ATOH8: variants seen among roughly 807,000 people sequenced by gnomAD.
The protein encoded by ATOH8 is transcription factor ATOH8.
Under a neutral mutation model 21.2 loss-of-function variants are expected in ATOH8, and 9 were observed. The ratio of observed to expected loss-of-function variants is 0.42; its 90% CI spans 0.26 to 0.74. ATOH8 has a LOEUF of 0.74. Ranked by LOEUF, ATOH8 falls within the 30% of genes least tolerant of loss-of-function variation. ATOH8 has a pLI of 0.24. For missense variants in ATOH8, 524 were observed against 470.9 expected (o/e 1.11, Z -1.04); for synonymous variants, 253 against 224.0 (o/e 1.13, Z -1.16).
chr2:85,768,586 G>C (rs1248348634), intron 2 of ATOH8, among the ~76,000 whole-genome samples: 1 of 152,186 alleles, frequency 6.6e-6, no homozygotes, highest in Non-Finnish European at 1.5e-5. Context: ...TCCAAAAGAG[G>C]CTGGGCGACC....
At chr2:85,764,543 T>G (rs1359205822) in intron 2 of ATOH8, among the ~76,000 whole-genome samples, 1 of 152,172 alleles carries the variant, frequency 6.6e-6, no homozygotes, top group Non-Finnish European at 1.5e-5. Flanking sequence ...CAGGACAAGA[T>G]TCCCCTGAGC....
chr2:85,767,286 T>C (rs1680041677), intron 2 of ATOH8, among the ~76,000 whole-genome samples: 1 of 152,132 alleles, frequency 6.6e-6, no homozygotes, highest in Non-Finnish European at 1.5e-5. Context: ...TGCAAAGGTC[T>C]ACCAGTAGAT....
intron 1 of ATOH8, among the ~76,000 whole-genome samples, chr2:85,757,516 T>C (rs1679743304): frequency 6.6e-6 from 1 of 152,252 alleles, no homozygotes; most frequent in Non-Finnish European, 1.5e-5. Context: ...AGATGGGTTC[T>C]GGGATTGTGG....
intron 1 of ATOH8, among the ~76,000 whole-genome samples, chr2:85,757,606 G>A (rs1679746857): frequency 6.6e-6 from 1 of 152,142 alleles, no homozygotes; most frequent in Admixed American, 6.5e-5. Flanking sequence ...TGGAGGCCAG[G>A]CATTGAGTTG....
At chr2:85,762,771 G>A (rs991159347) in intron 1 of ATOH8, among the ~76,000 whole-genome samples, 1 of 152,122 alleles carries the variant, frequency 6.6e-6, no homozygotes, top group Non-Finnish European at 1.5e-5. Flanking sequence ...ATCGACATTT[G>A]GGGGCAGGTA....
chr2:85,775,132 T>C, intron 2 of ATOH8: 1 of 927,672 alleles, frequency 1.1e-6, no homozygotes, highest in Non-Finnish European at 1.3e-6. Flanking sequence ...GTATGCTATG[T>C]GACATAGGAT....
rs1203593314 is a variant in ATOH8 at position 85,785,752 on chromosome 2, G to C, written c.961-1133G>C. 6.6e-6 allele frequency among the ~76,000 whole-genome samples: 1 copy of C among 152,270 alleles called. No homozygotes were observed. Among genetic ancestry groups the C allele is most frequent in the Non-Finnish European group, 1.5e-5 (1 of 68,052 alleles). On this transcript the variant is annotated intron_variant, in intron 2 of 2. Coordinates refer to ENST00000306279, the MANE Select transcript of ATOH8 (RefSeq NM_032827.7). The surrounding 1 kb of genome is among the most constrained non-coding windows in gnomAD (Gnocchi z 4.1). Reference sequence around the variant, plus strand: ...AGCCTGGGATTGCTCACTCATGAGAGGGGGGAATGGGAATGCTCCCTGGCA... The same window carrying C: ...AGCCTGGGATTGCTCACTCATGAGACGGGGGAATGGGAATGCTCCCTGGCA...
rs780992583 is a variant in ATOH8, at chr2:85,791,305, G to A, written c.*4415G>A. 2.0e-5 allele frequency among the ~76,000 whole-genome samples: 3 copies of A among 152,184 alleles called. No homozygotes were observed. Among genetic ancestry groups the A allele is most frequent in the Non-Finnish European group, 4.4e-5 (3 of 68,030 alleles). On this transcript the variant is annotated 3_prime_UTR_variant, in exon 3 of 3. Coordinates refer to ENST00000306279, the MANE Select transcript of ATOH8 (RefSeq NM_032827.7). ...GGATCTAATTCAACCCCTGATCCTC[G>A]AAACGGCTTTCTTGCAAAGTGTATA... is the stretch of plus-strand genomic sequence containing the variant.
chr2:85,776,481 T>G (rs1431371968), intron 2 of ATOH8, among the ~76,000 whole-genome samples: 1 of 152,248 alleles, frequency 6.6e-6, no homozygotes, highest in African/African-American at 2.4e-5. Context: ...TGGAGGCCAC[T>G]GCTGGCCCAT....
intron 1 of ATOH8, 108 bp downstream of exon 1, chr2:85,755,065 C>G (rs904009366): frequency 8.6e-6 from 12 of 1,396,024 alleles, no homozygotes; most frequent in Non-Finnish European, 1.1e-5. Flanking sequence ...CAAGCTGCCC[C>G]GCCCGGTCCG....
chr2:85,776,610 G>A (rs920141540), intron 2 of ATOH8, among the ~76,000 whole-genome samples: 1 of 152,184 alleles, frequency 6.6e-6, no homozygotes, highest in Non-Finnish European at 1.5e-5. Context: ...GCTGGGGTCC[G>A]GTGGAGGGCC....
At chr2:85,784,349 G>A (rs1680571465) in intron 2 of ATOH8, among the ~76,000 whole-genome samples, 1 of 152,098 alleles carries the variant, frequency 6.6e-6, no homozygotes, top group Admixed American at 6.6e-5. Flanking sequence ...ACCAGCCTGG[G>A]CAACATAGTG....
chr2:85,771,031 C>G (rs1680167282), intron 2 of ATOH8, among the ~76,000 whole-genome samples: 2 of 152,174 alleles, frequency 1.3e-5, no homozygotes, highest in Non-Finnish European at 2.9e-5. Flanking sequence ...AGATTCCCCT[C>G]TGGAAGCCCC....
rs1200322299 is a variant in ATOH8 at position 85,790,481 on chromosome 2, A to G, written c.*3591A>G. On this transcript the variant is annotated 3_prime_UTR_variant, in exon 3 of 3. Transcript: ENST00000306279. The stretch of plus-strand genomic sequence containing the variant: ...TGGGTCTGGCCTGAGACTATCCCAG[A>G]AGAGAGGGTTAAATTCTGGAGGTGA... 6.6e-6 allele frequency among the ~76,000 whole-genome samples: 1 copy of G among 152,150 alleles called. No homozygotes were observed. The highest frequency in any genetic ancestry group is 1.5e-5 in the Non-Finnish European group (1 of 68,030).
chr2:85,780,312 C>T (rs1305342073), intron 2 of ATOH8: 1 of 152,278 alleles, frequency 6.6e-6, no homozygotes, highest in African/African-American at 2.4e-5. Flanking sequence ...GAAGGGCTCC[C>T]CCAGGTTACC....
intron 2 of ATOH8, 101 bp from the exon 3 acceptor site, chr2:85,786,784 C>T: frequency 1.3e-6 from 2 of 1,572,256 alleles, no homozygotes; most frequent in South Asian, 2.2e-5. Flanking sequence ...GGTGGGGGCC[C>T]CTCTGCCTGG....
intron 1 of ATOH8, among the ~76,000 whole-genome samples, chr2:85,763,521 C>T (rs1467803235): frequency 1.3e-5 from 2 of 152,182 alleles, no homozygotes; most frequent in Non-Finnish European, 2.9e-5. Context: ...GACATTATAA[C>T]CTCACTCGAG....
At chr2:85,779,930 G>T (rs953144277) in intron 2 of ATOH8, among the ~76,000 whole-genome samples, 1 of 152,202 alleles carries the variant, frequency 6.6e-6, no homozygotes, top group East Asian at 1.9e-4. Flanking sequence ...GGAGGTGTGT[G>T]GGGTAGGTGA....
At position 85,763,132 on chromosome 2, in the gene ATOH8, A is replaced by G. The variant is rs571657419; in HGVS notation, c.769-859A>G. On this transcript the variant is annotated intron_variant, in intron 1 of 2. Coordinates refer to ENST00000306279, the MANE Select transcript of ATOH8 (RefSeq NM_032827.7). ...CATAGGAACAGTGGGGTCTATTAGC[A>G]CCTATCAGGTTGATTTTGTGGAGCT... 2.0e-5 allele frequency among the ~76,000 whole-genome samples: 3 copies of G among 152,176 alleles called. No homozygotes were observed. The East Asian group carries it at 5.8e-4, about 29-fold the overall frequency.
Sources: allele counts gnomAD v4.1 joint callset (sites outside exome capture counted in the v4.1 genomes callset), GRCh38; gene constraint gnomAD v4.1.1; non-coding constraint Gnocchi (gnomAD v3.1); transcripts MANE v1.5; gene names NCBI Gene and HGNC (gene_info 2026-07-23, HGNC 2026-07-21).